The following DENR variants were observed in gnomAD, a reference collection of about 807,000 sequenced individuals.
The protein encoded by DENR is density-regulated protein.
Under a neutral mutation model 30.6 loss-of-function variants are expected in DENR, and 6 were observed. That is an observed-to-expected ratio of 0.20 (90% CI 0.11 to 0.39). The LOEUF is 0.39. DENR is among the 10% of genes least tolerant of loss of function. The probability of loss-of-function intolerance (pLI) is 1.00; values close to 1 mark genes in which losing one functional copy is unlikely to be tolerated. For synonymous variants in DENR, 78 were observed against 72.1 expected (o/e 1.08, Z -0.41); for missense variants, 141 against 230.9 (o/e 0.61, Z 2.52).
chr12:122,763,015 CT>C, intron 4 of DENR, 86 bp downstream of exon 4: 1 of 748,710 alleles, frequency 1.3e-6, no homozygotes. Context: ...GAAAGTCCTC[CT>C]TTAGTAGGAT....
Position 122,769,273 on chromosome 12 carries a change from T to TATACATATATACACATATATGG in DENR, c.*216_*217insGATACATATATACACATATATG, listed in dbSNP as rs1878953692. 1 of 764,246 alleles carries TATACATATATACACATATATGG rather than the reference T, an allele frequency of 1.3e-6. No individual in the cohort carries two copies. Among genetic ancestry groups the TATACATATATACACATATATGG allele is most frequent in the African/African-American group, 2.2e-5 (1 of 46,356 alleles). 47.3% of individuals were successfully genotyped at this position (764,246 alleles called of 1,614,324 possible). On this transcript the variant is annotated 3_prime_UTR_variant, in exon 8 of 8. Transcript: ENST00000280557. ...ATATATATATACATACACATATATGTATACATATATACACATATATGTATA... is the reference window on the plus strand; with the variant it reads ...ATATATATATACATACACATATATGTATACATATATACACATATATGGATACATATATACACATATATGTATA...
chr12:122,756,678 G>A (rs1030698815), intron 2 of DENR, among the ~76,000 whole-genome samples: 1 of 152,160 alleles, frequency 6.6e-6, no homozygotes, highest in Non-Finnish European at 1.5e-5. Flanking sequence ...TAGTGTGGAG[G>A]GAGTTTCGAG....
intron 2 of DENR, among the ~76,000 whole-genome samples, chr12:122,758,482 T>C (rs559695802): frequency 6.6e-6 from 1 of 152,284 alleles, no homozygotes; most frequent in East Asian, 1.9e-4. Flanking sequence ...TGTGGATTAG[T>C]CCCATTCCAT....
intron 4 of DENR, chr12:122,763,311 A>G (rs1191301079): frequency 6.1e-6 from 1 of 163,490 alleles, no homozygotes; most frequent in Non-Finnish European, 1.3e-5. Flanking sequence ...AGGCAGGAGA[A>G]CGGCGTGAAC....
intron 5 of DENR, among the ~76,000 whole-genome samples, chr12:122,766,177 A>G (rs541751614): frequency 1.3e-5 from 2 of 151,302 alleles, no homozygotes; most frequent in Admixed American, 6.6e-5. Flanking sequence ...TACACTGTTC[A>G]CTCCTCAGTC....
chr12:122,753,139 T>TA (rs898032789), intron 1 of DENR, among the ~76,000 whole-genome samples, 189 bp downstream of exon 1: 2 of 152,190 alleles, frequency 1.3e-5, no homozygotes, highest in African/African-American at 4.8e-5. Context: ...TCAGTGCTCT[T>TA]ACATTCTGCG....
At chr12:122,763,314 G>T (rs1403066374) in intron 4 of DENR, 1 of 162,942 alleles carries the variant, frequency 6.1e-6, no homozygotes, top group African/African-American at 2.4e-5. Context: ...CAGGAGAACG[G>T]CGTGAACCTG....
chr12:122,756,497 G>A (rs1251098530), intron 2 of DENR, among the ~76,000 whole-genome samples: 1 of 152,118 alleles, frequency 6.6e-6, no homozygotes, highest in African/African-American at 2.4e-5. Context: ...AATAGCTGCA[G>A]TGTCAGTACA....
chr12:122,767,746 C>T (rs1046892322), intron 6 of DENR, 142 bp downstream of exon 6: 4 of 441,394 alleles, frequency 9.1e-6, no homozygotes, highest in Non-Finnish European at 1.6e-5. Flanking sequence ...TTTTGCATTT[C>T]TAACTATAGC....
chr12:122,770,503 T>C lies in DENR; in HGVS notation c.*1425T>C. The C allele has an allele frequency of 2.5e-6, 1 of 397,316 alleles. No individual in the cohort carries two copies. Among genetic ancestry groups the C allele is most frequent in the Non-Finnish European group, 4.4e-6 (1 of 225,720 alleles). The allele number at this position is 397,316 out of a possible 1,614,324, so 24.6% of individuals were successfully genotyped here. A position where few individuals can be genotyped will look rare whatever the true frequency, so the allele number is the denominator to read the frequency against. On this transcript the variant is annotated 3_prime_UTR_variant, in exon 8 of 8. Transcript: ENST00000280557. ...GCTATAAATTATGTGAGTAAAATTG[T>C]GCTAACCAGTTAAAAGTACTGTACA...
At chr12:122,761,150 G>A (rs1878689608) in intron 2 of DENR, among the ~76,000 whole-genome samples, 3 of 152,064 alleles carry the variant, frequency 2.0e-5, no homozygotes, top group South Asian at 2.1e-4. Flanking sequence ...GGTGGCTCAT[G>A]CCTGTAATCC....
chr12:122,753,620 G>A, intron 1 of DENR, 73 bp from the exon 2 acceptor site: 3 of 1,202,702 alleles, frequency 2.5e-6, no homozygotes, highest in Non-Finnish European at 3.6e-6. Flanking sequence ...GGAGGTTTCT[G>A]TTGAGAGGAA....
intron 4 of DENR, among the ~76,000 whole-genome samples, chr12:122,763,816 G>C (rs189457636): frequency 4.9e-4 from 75 of 152,320 alleles, no homozygotes; most frequent in Non-Finnish European, 8.7e-4. Flanking sequence ...GCCAATAAAA[G>C]ATTTCCTACT....
intron 2 of DENR, among the ~76,000 whole-genome samples, chr12:122,758,090 CAGA>C (rs1878597755): frequency 6.6e-6 from 1 of 152,148 alleles, no homozygotes; most frequent in South Asian, 2.1e-4. Flanking sequence ...GTTTGTTTTT[CAGA>C]AGGAGTCTCA....
chr12:122,756,917 A>T (rs1382381956), intron 2 of DENR, among the ~76,000 whole-genome samples: 1 of 152,214 alleles, frequency 6.6e-6, no homozygotes, highest in African/African-American at 2.4e-5. Flanking sequence ...ATTAATGAGC[A>T]TTTAAATGAG....
chr12:122,768,071 G>T (rs964787058), intron 6 of DENR: 1 of 152,860 alleles, frequency 6.5e-6, no homozygotes, highest in African/African-American at 2.4e-5. Context: ...GCCTCTATGA[G>T]ACAACACAGA....
intron 3 of DENR, 84 bp from the exon 4 acceptor site, chr12:122,762,761 A>T (rs966277378): frequency 2.2e-5 from 20 of 898,436 alleles, no homozygotes; most frequent in Non-Finnish European, 2.7e-5. Context: ...TTGTATTAAC[A>T]AGTATAGGGG....
intron 1 of DENR, 42 bp from the exon 2 acceptor site, chr12:122,753,651 G>C (rs1878473150): frequency 6.7e-7 from 1 of 1,498,218 alleles, no homozygotes; most frequent in Middle Eastern, 1.7e-4. Context: ...CTGGGGTCTT[G>C]ATTCTAAAAT....
rs775767376 is a variant in DENR at position 122,753,677 on chromosome 12, T to A, written c.-9-16T>A. The A allele has an allele frequency of 2.5e-6, 4 of 1,599,794 alleles. No individual in the cohort carries two copies. The East Asian group carries it at 8.9e-5, about 36-fold the overall frequency. ...ATTCTAAAATAGTGAGGGTGTGTTATTTTCCTTGCTTACAGGTTTGTGAAA... is the reference window on the plus strand; with the variant it reads ...ATTCTAAAATAGTGAGGGTGTGTTAATTTCCTTGCTTACAGGTTTGTGAAA... On this transcript the variant is annotated splice_polypyrimidine_tract_variant and intron_variant, in intron 1 of 7. Coordinates refer to ENST00000280557, the MANE Select transcript of DENR (RefSeq NM_003677.5).
Sources: gnomAD v4.1 joint callset for allele counts (sites outside exome capture counted in the v4.1 genomes callset) on GRCh38, gnomAD v4.1.1 for gene constraint, MANE v1.5 for transcripts, NCBI Gene and HGNC (gene_info 2026-07-23, HGNC 2026-07-21) for gene names.